The following ILF2 variants were observed in gnomAD, a reference collection of about 807,000 sequenced individuals.
ILF2 encodes the protein interleukin enhancer-binding factor 2.
A neutral mutation model predicts 55.3 loss-of-function variants in ILF2; 9 were observed. The observed-to-expected ratio is 0.16, with a 90% CI of 0.10 to 0.28. ILF2 has a LOEUF of 0.28. Ranked by LOEUF, ILF2 falls within the 10% of genes least tolerant of loss-of-function variation. The pLI is 1.00. For synonymous variants in ILF2, 151 were observed against 161.8 expected (o/e 0.93, Z 0.50); for missense variants, 266 against 474.9 (o/e 0.56, Z 4.09).
chr1:153,662,995 C>A, intron 12 of ILF2, 24 bp downstream of exon 12: 1 of 1,581,844 alleles, frequency 6.3e-7, no homozygotes, highest in Admixed American at 1.7e-5. Flanking sequence ...GGCAAAACAA[C>A]TCAGTTCATA....
chr1:153,669,981 G>GACAAA (rs1179030493), intron 2 of ILF2, 103 bp from the exon 3 acceptor site: 1 of 1,144,728 alleles, frequency 8.7e-7, no homozygotes, highest in Non-Finnish European at 1.3e-6. Context: ...CAGAATGAGT[G>GACAAA]ACAAAGTCTC....
At position 153,663,226 on chromosome 1, in the gene ILF2, G is replaced by C. The variant is rs766138986; in HGVS notation, c.795C>G (p.Asn265Lys). The change falls in exon 11 of 14, where the codon AAC becomes AAG. Residue 265 changes from asparagine to lysine, a missense_variant. By Grantham distance (94) the Asn-to-Lys change is moderately conservative. Coordinates refer to ENST00000361891, the MANE Select transcript of ILF2 (RefSeq NM_004515.4). ...AAAGCATGCTGTACCTGTATGCAAC[G>C]TTTAGGGCCAAAGGCTGTCTGGTGG... ...NNPTRQPLAL[N>K]VAYRRCLQIL... 6.2e-7 allele frequency: 1 copy of C among 1,614,212 alleles called. No homozygotes were observed. The highest frequency in any genetic ancestry group is 8.5e-7 in the Non-Finnish European group (1 of 1,180,032).
chr1:153,670,622 C>A (rs189259260), intron 1 of ILF2, among the ~76,000 whole-genome samples: 1 of 152,004 alleles, frequency 6.6e-6, no homozygotes, highest in African/African-American at 2.4e-5. Flanking sequence ...ATGACGGGGG[C>A]GGGGGAAAGG....
chr1:153,670,138 C>A (rs374769293), intron 2 of ILF2, 33 bp downstream of exon 2: 2 of 1,606,552 alleles, frequency 1.2e-6, no homozygotes, highest in African/African-American at 2.7e-5. Flanking sequence ...AAACTAACAA[C>A]CAAGTGCAGA....
chr1:153,664,109 T>C lies in ILF2; in HGVS notation c.678A>G (p.Leu226=). ...GAAAACGAATCCTCAAGTCCTTCAG[T>C]AGTCTGATGAGAACTTTAACTCTGA... is the stretch of plus-strand genomic sequence containing the variant. ...SQSTVKVLIR[L]LKDLRIRFPG... is the part of the protein sequence containing the mutation. Residue 226 remains leucine, a synonymous_variant, in exon 10 of 14, where the codon CTA becomes CTG. Coordinates refer to ENST00000361891, the MANE Select transcript of ILF2 (RefSeq NM_004515.4). The C allele has an allele frequency of 6.2e-7, 1 of 1,612,842 alleles. No individual in the cohort carries two copies. The highest frequency in any genetic ancestry group is 8.5e-7 in the Non-Finnish European group (1 of 1,179,002).
chr1:153,663,145 G>A lies in ILF2; in HGVS notation c.807-12C>T. On this transcript the variant is annotated splice_polypyrimidine_tract_variant and intron_variant, in intron 11 of 13. Coordinates refer to ENST00000361891, the MANE Select transcript of ILF2 (RefSeq NM_004515.4). ...TCTGCAAGCAGCGCCTAGAACACAG[G>A]GAGGTATGAGGTATTAAAGGAATGC... 6.2e-7 allele frequency: 1 copy of A among 1,613,862 alleles called. No individual in the cohort carries two copies. The highest frequency in any genetic ancestry group is 8.5e-7 in the Non-Finnish European group (1 of 1,179,764).
chr1:153,668,852 G>A (rs572908222), intron 3 of ILF2, among the ~76,000 whole-genome samples: 252 of 151,912 alleles, frequency 1.7e-3, no homozygotes, highest in African/African-American at 5.9e-3. Context: ...AGCCAAGATC[G>A]CGCCATTGCA....
chr1:153,664,464 T>A lies in ILF2; in HGVS notation c.588A>T (p.Lys196Asn). Residue 196 changes from lysine (K) to asparagine (N), a missense_variant, in exon 9 of 14, where the codon AAA becomes AAT. By Grantham distance (94) the Lys-to-Asn change is moderately conservative (BLOSUM62 0). Transcript: ENST00000361891. ...TGGCTGCTAAGGCACTCTGCAATACTTTGATATCCACTAAAAAGACAAGCA... is the reference window on the plus strand; with the variant it reads ...TGGCTGCTAAGGCACTCTGCAATACATTGATATCCACTAAAAAGACAAGCA... ...KLDPELHLDI[K>N]VLQSALAAIR... 6.2e-7 allele frequency: 1 copy of A among 1,613,000 alleles called. No individual in the cohort carries two copies. Among genetic ancestry groups the A allele is most frequent in the Non-Finnish European group, 8.5e-7 (1 of 1,178,988 alleles).
intron 6 of ILF2, chr1:153,667,166 C>A: frequency 3.5e-6 from 1 of 282,784 alleles, no homozygotes; most frequent in Non-Finnish European, 6.6e-6. Flanking sequence ...TCCTTTCTCA[C>A]AAGAAATTTG....
At chr1:153,664,568 G>A in intron 8 of ILF2, 94 bp from the exon 9 acceptor site, 1 of 998,896 alleles carries the variant, frequency 1.0e-6, no homozygotes, top group South Asian at 1.3e-5. Context: ...TGGAAGGAGG[G>A]CAGGATAGAC....
chr1:153,667,285 CCG>C (rs1669335528), intron 6 of ILF2: 1 of 512,102 alleles, frequency 2.0e-6, no homozygotes, highest in African/African-American at 1.9e-5. Context: ...TGAGACCAGC[CCG>C]AGCAACACGG....
chr1:153,662,597 A>T, intron 13 of ILF2, 41 bp from the exon 14 acceptor site: 1 of 1,586,142 alleles, frequency 6.3e-7, no homozygotes, highest in Non-Finnish European at 8.7e-7. Context: ...GTAGCCCAGC[A>T]TAAAAGTCAT....
chr1:153,670,230 C>T lies in ILF2; in HGVS notation c.6G>A (p.Arg2=). 6.2e-7 allele frequency: 1 copy of T among 1,613,876 alleles called. No individual in the cohort carries two copies. Among genetic ancestry groups the T allele is most frequent in the South Asian group, 1.1e-5 (1 of 91,044 alleles). Residue 2 remains arginine (R), a splice_region_variant and synonymous_variant, in exon 2 of 14, where the codon AGG becomes AGA. Transcript: ENST00000361891. The part of the protein sequence containing the change: M[R]GDRGRGRGGR... ...CACCACGACCACGGCCTCTGTCACCCCTAGAAATGCAGATTTTATTTTGAC... is the reference window on the plus strand; with the variant it reads ...CACCACGACCACGGCCTCTGTCACCTCTAGAAATGCAGATTTTATTTTGAC...
intron 9 of ILF2, 96 bp downstream of exon 9, chr1:153,664,300 G>A: frequency 8.6e-7 from 1 of 1,164,444 alleles, no homozygotes; most frequent in East Asian, 2.4e-5. Context: ...CGAGGTCACA[G>A]GCAAAATAGT....
chr1:153,665,578 G>A lies in ILF2; in HGVS notation c.460+85C>T, dbSNP rs760045755. The A allele has an allele frequency of 6.8e-6, 8 of 1,170,680 alleles. No homozygotes were observed. In the African/African-American group the frequency reaches 9.1e-5, roughly 13 times the overall value. The allele number at this position is 1,170,680 out of a possible 1,614,324, so 72.5% of individuals were successfully genotyped here. ...CTGCATTTACTCTTCCATCTGGTCT[G>A]ATCTGATTTTGTTGAAAGTGTACTT... On this transcript the variant is annotated intron_variant, in intron 7 of 13. Coordinates refer to ENST00000361891, the MANE Select transcript of ILF2 (RefSeq NM_004515.4).
In ILF2 at chr1:153,662,335, A is replaced by G; in HGVS notation, c.*61T>C. The G allele has an allele frequency of 1.2e-6, 2 of 1,605,660 alleles. No individual in the cohort carries two copies. The highest frequency in any genetic ancestry group is 1.1e-5 in the South Asian group (1 of 90,122). On this transcript the variant is annotated 3_prime_UTR_variant, in exon 14 of 14. Coordinates refer to ENST00000361891, the MANE Select transcript of ILF2 (RefSeq NM_004515.4). ...AAATGTCTGTCACCATGTAAAGCCC[A>G]GTAGCAGGCAGCTTAGGCTCCAGTC... is the stretch of plus-strand genomic sequence containing the variant.
intron 6 of ILF2, chr1:153,667,169 G>T: frequency 7.0e-6 from 2 of 287,018 alleles, no homozygotes; most frequent in Non-Finnish European, 1.3e-5. Context: ...TTTCTCACAA[G>T]AAATTTGAGC....
At position 153,667,596 on chromosome 1, in the gene ILF2, T is replaced by A. The variant is rs1283495593; in HGVS notation, c.353A>T (p.Asn118Ile). ...GAGTATCACCACCAGGTCAGCCACA[T>A]TGTGTCCTGTAGTCATTGTCCCCTT... ...YKKGTMTTGH[N>I]VADLVVILKI... The change falls in exon 6 of 14, where the codon AAT becomes ATT. Residue 118 changes from asparagine to isoleucine, a missense_variant. Coordinates refer to ENST00000361891, the MANE Select transcript of ILF2 (RefSeq NM_004515.4). 3 of 1,613,900 alleles carry A rather than the reference T, an allele frequency of 1.9e-6. No homozygotes were observed. The highest frequency in any genetic ancestry group is 1.7e-6 in the Non-Finnish European group (2 of 1,179,840).
rs1669337405 is a variant in ILF2, at chr1:153,667,361, C to A, written c.394+194G>T. 25 of 615,520 alleles carry A rather than the reference C, an allele frequency of 4.1e-5. 1 individual carries two copies. In the South Asian group the frequency reaches 4.7e-4, roughly 12 times the overall value. The allele number at this position is 615,520 out of a possible 1,614,324, so 38.1% of individuals were successfully genotyped here. A position where few individuals can be genotyped will look rare whatever the true frequency, so the allele number is the denominator to read the frequency against. ...GGTGTGGTAGCACACATCTGTAGTC[C>A]CAGCTACTCGGGAGGCTAAGGCGGG... On this transcript the variant is annotated intron_variant, in intron 6 of 13. Coordinates refer to ENST00000361891, the MANE Select transcript of ILF2 (RefSeq NM_004515.4).
Sources: allele counts gnomAD v4.1 joint callset (sites outside exome capture counted in the v4.1 genomes callset), GRCh38; gene constraint gnomAD v4.1.1; transcripts MANE v1.5; gene names NCBI Gene and HGNC (gene_info 2026-07-23, HGNC 2026-07-21).